Variants in PCDHGB5 observed in about 807,000 individuals in gnomAD.
PCDHGB5 encodes protocadherin gamma-B5.
PCDHGB5 carries 48 observed loss-of-function variants against 62.9 expected under a neutral mutation model. The ratio of observed to expected loss-of-function variants is 0.76; its 90% CI spans 0.61 to 0.97. PCDHGB5 has a LOEUF of 0.97. Ranked by LOEUF, PCDHGB5 falls within the 50% of genes least tolerant of loss-of-function variation. The pLI, the probability that PCDHGB5 is intolerant of heterozygous loss-of-function variation, is 0.00. For synonymous variants in PCDHGB5, 474 were observed against 511.2 expected, an observed-to-expected ratio of 0.93 and a Z score of 0.98; for missense variants, 1,118 against 1,198.6, an observed-to-expected ratio of 0.93 and a Z score of 0.99.
At chr5:141,418,877 G>T in intron 1 of PCDHGB5, 1 of 1,613,960 alleles carries the variant, frequency 6.2e-7, no homozygotes, top group Non-Finnish European at 8.5e-7. Context: ...AGTTGTAGAC[G>T]AAAACGACAA....
At chr5:141,433,320 T>A in intron 1 of PCDHGB5, 1 of 792,046 alleles carries the variant, frequency 1.3e-6, no homozygotes, top group Non-Finnish European at 2.0e-6. Flanking sequence ...TTGCCTCCGG[T>A]GTAACAGGGA....
rs2154591356 is a variant in PCDHGB5, at chr5:141,493,972, C to G, written c.2398-835C>G. Among the ~76,000 whole-genome samples, 6 of 152,276 alleles carry G rather than the reference C, an allele frequency of 3.9e-5. No homozygotes were observed. In the Middle Eastern group the frequency reaches 0.014, roughly 345 times the overall value. On this transcript the variant is annotated intron_variant, in intron 1 of 3. Coordinates refer to ENST00000617380, the MANE Select transcript of PCDHGB5 (RefSeq NM_018925.3). This position sits in a 1 kb window ranked among gnomAD's most constrained non-coding sequence, Gnocchi z 4.3. ...CAGGAATGAAGTGGCTGGCCAGAGC[C>G]CCACACCTTCAGCTAGGTGGGAGAT...
In PCDHGB5 at chr5:141,477,806, G is replaced by T; in HGVS notation, c.2398-17001G>T. ...ATTTGTCACTGATCGCAATGACAAT[G>T]CCCCCCAGGTCCTATATCCTCGGCC... On this transcript the variant is annotated intron_variant, in intron 1 of 3. Coordinates refer to ENST00000617380, the MANE Select transcript of PCDHGB5 (RefSeq NM_018925.3). The surrounding 1 kb of genome is among the most constrained non-coding windows in gnomAD (Gnocchi z 4.9). 6.2e-7 allele frequency: 1 copy of T among 1,614,118 alleles called. No homozygotes were observed. The highest frequency in any genetic ancestry group is 8.5e-7 in the Non-Finnish European group (1 of 1,180,036).
chr5:141,404,183 G>T lies in PCDHGB5; in HGVS notation c.2397+3659G>T, dbSNP rs759576056. ...CAGATTGTTGACGGCCCAAATTCTT[G>T]ACCGAGAAAAAGCCTCAGAATATAA... On this transcript the variant is annotated intron_variant, in intron 1 of 3. Coordinates refer to ENST00000617380, the MANE Select transcript of PCDHGB5 (RefSeq NM_018925.3). 2.5e-6 allele frequency: 4 copies of T among 1,613,154 alleles called. No individual in the cohort carries two copies. In the South Asian group the frequency reaches 4.4e-5, roughly 18 times the overall value.
rs564367150 is a variant in PCDHGB5 at position 141,464,990 on chromosome 5, C to T, written c.2398-29817C>T. Among the ~76,000 whole-genome samples, 147 of 152,192 alleles carry T rather than the reference C, an allele frequency of 9.7e-4. 1 individual carries two copies. Among genetic ancestry groups the T allele is most frequent in the African/African-American group, 3.5e-3 (144 of 41,536 alleles). On this transcript the variant is annotated intron_variant, in intron 1 of 3. Transcript: ENST00000617380. ...CTACTGGCTTCAAGTGATCCTCCCA[C>T]CTCAGCCTCCCAAAGTGCTAAGATT...
rs1160304959 is a variant in PCDHGB5, at chr5:141,490,969, C to A, written c.2398-3838C>A. On this transcript the variant is annotated intron_variant, in intron 1 of 3. Coordinates refer to ENST00000617380, the MANE Select transcript of PCDHGB5 (RefSeq NM_018925.3). This position sits in a 1 kb window ranked among gnomAD's most constrained non-coding sequence, Gnocchi z 5.4. ...GCCAGACTGGGAACACTCAGCCCCC[C>A]AGCGTCTCCCTCGCTCTGCTCCTCC... The A allele has an allele frequency of 2.5e-6, 4 of 1,613,820 alleles. No individual in the cohort carries two copies. In the African/African-American group the frequency reaches 4.0e-5, roughly 16 times the overall value.
chr5:141,419,354 C>G (rs1444462815), intron 1 of PCDHGB5: 1 of 1,613,828 alleles, frequency 6.2e-7, no homozygotes, highest in Admixed American at 1.7e-5. Flanking sequence ...CCTGGAGTCA[C>G]GAACGCTGTC....
rs188916402 is a variant in PCDHGB5, at chr5:141,473,975, G to A, written c.2398-20832G>A. 4.6e-5 allele frequency among the ~76,000 whole-genome samples: 7 copies of A among 152,222 alleles called. No homozygotes were observed. The East Asian group carries it at 7.7e-4, about 17-fold the overall frequency. ...TCCCATCTACTTAGAAGTCTGAGGCGGGAGGATCCCTTGAGCCCAAGGAGC... is the reference window on the plus strand; with the variant it reads ...TCCCATCTACTTAGAAGTCTGAGGCAGGAGGATCCCTTGAGCCCAAGGAGC... On this transcript the variant is annotated intron_variant, in intron 1 of 3. Transcript: ENST00000617380.
At chr5:141,423,755 G>GT (rs542747697) in intron 1 of PCDHGB5, 5 of 512,416 alleles carry the variant, frequency 9.8e-6, no homozygotes, top group Admixed American at 7.1e-5. Context: ...CTGTTTGGGG[G>GT]GGGGGTGGGG....
chr5:141,422,165 A>G (rs771382434), intron 1 of PCDHGB5: 3 of 1,569,306 alleles, frequency 1.9e-6, no homozygotes, highest in Admixed American at 4.0e-5. Flanking sequence ...TTTGAAAAAT[A>G]TAGATTCTAT....
chr5:141,429,379 T>G (rs573911129), intron 1 of PCDHGB5, among the ~76,000 whole-genome samples: 5 of 151,382 alleles, frequency 3.3e-5, no homozygotes, highest in East Asian at 1.9e-4. Context: ...GAAAATGTGT[T>G]TTTTTTTTAA....
chr5:141,510,905 C>T lies in PCDHGB5; in HGVS notation c.2546-42C>T. 4 of 1,613,538 alleles carry T rather than the reference C, an allele frequency of 2.5e-6. No homozygotes were observed. In the South Asian group the frequency reaches 4.4e-5, roughly 18 times the overall value. ...GATATAAGACAGTGACTGTTGAGGA[C>T]CCTAAGTTTAGCTCCCACCTGATCT... On this transcript the variant is annotated intron_variant, in intron 3 of 3. Coordinates refer to ENST00000617380, the MANE Select transcript of PCDHGB5 (RefSeq NM_018925.3).
At chr5:141,508,033 C>A (rs1596123382) in intron 3 of PCDHGB5, 1 of 152,290 alleles carries the variant, frequency 6.6e-6, no homozygotes, top group Non-Finnish European at 1.5e-5. Flanking sequence ...GTTTGCAGCT[C>A]AGCCAGCTGT....
intron 1 of PCDHGB5, chr5:141,410,156 C>T: frequency 6.2e-7 from 1 of 1,613,514 alleles, no homozygotes; most frequent in Non-Finnish European, 8.5e-7. Context: ...CGGTGGACAG[C>T]CGCCACTCTC....
At chr5:141,421,979 G>C in intron 1 of PCDHGB5, 1 of 1,609,702 alleles carries the variant, frequency 6.2e-7, no homozygotes, top group Non-Finnish European at 8.5e-7. Flanking sequence ...TATCGCGTGA[G>C]TGTTCCAGAA....
intron 1 of PCDHGB5, among the ~76,000 whole-genome samples, chr5:141,449,929 T>C (rs2098659723): frequency 6.6e-6 from 1 of 151,912 alleles, no homozygotes; most frequent in Non-Finnish European, 1.5e-5. Context: ...TACCATACCT[T>C]ATAGTATATT....
chr5:141,470,379 A>G (rs1210709847), intron 1 of PCDHGB5, among the ~76,000 whole-genome samples: 1 of 152,086 alleles, frequency 6.6e-6, no homozygotes, highest in East Asian at 1.9e-4. Flanking sequence ...TGGAAAGACT[A>G]CTCGATGATA....
chr5:141,501,025 C>T (rs999221755), intron 2 of PCDHGB5, among the ~76,000 whole-genome samples: 94 of 152,100 alleles, frequency 6.2e-4, no homozygotes, highest in East Asian at 1.9e-3. Flanking sequence ...CGCGCCACCA[C>T]GCCCAGCTAA....
intron 1 of PCDHGB5, chr5:141,478,106 G>T: frequency 6.2e-7 from 1 of 1,614,046 alleles, no homozygotes; most frequent in Non-Finnish European, 8.5e-7. Flanking sequence ...TACCCTCACT[G>T]TGTCAGTAAC....
Sources: gnomAD v4.1 joint callset for allele counts (sites outside exome capture counted in the v4.1 genomes callset) on GRCh38, gnomAD v4.1.1 for gene constraint, Gnocchi (gnomAD v3.1) non-coding constraint, MANE v1.5 for transcripts, NCBI Gene and HGNC (gene_info 2026-07-23, HGNC 2026-07-21) for gene names.